UNC5C: variants seen among roughly 807,000 people sequenced by gnomAD.
The protein encoded by UNC5C is unc-5 netrin receptor C, also known as netrin receptor UNC5C.
In UNC5C, 47 loss-of-function variants were observed where a neutral mutation model predicts 99.8. That is an observed-to-expected ratio of 0.47 (90% CI 0.37 to 0.60). UNC5C has a LOEUF of 0.60. Ranked by LOEUF, UNC5C falls within the 20% of genes least tolerant of loss-of-function variation. The pLI is 0.00. For missense variants in UNC5C, 1,062 were observed against 1,165.9 expected, an observed-to-expected ratio of 0.91 and a Z score of 1.30; for synonymous variants, 487 against 452.2, an observed-to-expected ratio of 1.08 and a Z score of -0.98.
intron 7 of UNC5C, among the ~76,000 whole-genome samples, chr4:95,237,321 C>G (rs1361341367): frequency 6.6e-6 from 1 of 152,120 alleles, no homozygotes; most frequent in Admixed American, 6.6e-5. Context: ...AAACTCTTGA[C>G]TTATATTGTC....
In UNC5C at chr4:95,253,566, A is replaced by G. The variant is rs1739834270; in HGVS notation, c.595-2899T>C. The stretch of plus-strand genomic sequence containing the variant: ...GTGGGGGACACTGCTCTCCTCCCTT[A>G]ACTCCCACTTGAATCACAGAAACTC... On this transcript the variant is annotated intron_variant, in intron 4 of 15. Transcript: ENST00000453304. Among the ~76,000 whole-genome samples, 5 of 152,086 alleles carry G rather than the reference A, an allele frequency of 3.3e-5. No individual in the cohort carries two copies. The South Asian group carries it at 1.0e-3, about 32-fold the overall frequency.
chr4:95,180,775 C>T (rs546192546), intron 14 of UNC5C, among the ~76,000 whole-genome samples: 4 of 152,324 alleles, frequency 2.6e-5, no homozygotes, highest in South Asian at 2.1e-4. Context: ...CAAGCCAGCT[C>T]ATTCCTGGGA....
chr4:95,219,126 C>T lies in UNC5C; in HGVS notation c.1488G>A (p.Glu496=), dbSNP rs777046627. 9 of 1,614,116 alleles carry T rather than the reference C, an allele frequency of 5.6e-6. No individual in the cohort carries two copies. In the East Asian group the frequency reaches 1.6e-4, roughly 28 times the overall value. ...TCTGAGGGGACAGCTTGGACGTAAACTCAGAGAGGTCATCTTGGGGGGTGA... is the reference window on the plus strand; with the variant it reads ...TCTGAGGGGACAGCTTGGACGTAAATTCAGAGAGGTCATCTTGGGGGGTGA... ...GAVTPQDDLS[E]FTSKLSPQMT... is the part of the protein sequence containing the mutation. The change falls in exon 9 of 16, where the codon GAG becomes GAA. Residue 496 remains glutamate, a synonymous_variant. Transcript: ENST00000453304.
chr4:95,269,274 T>G (rs1158125880), intron 4 of UNC5C, among the ~76,000 whole-genome samples: 1 of 152,104 alleles, frequency 6.6e-6, no homozygotes, highest in Non-Finnish European at 1.5e-5. Flanking sequence ...GAACCAGTAC[T>G]GCAGAGTGGT....
chr4:95,503,711 C>G (rs1471415968), intron 1 of UNC5C, among the ~76,000 whole-genome samples: 2 of 152,034 alleles, frequency 1.3e-5, no homozygotes, highest in Non-Finnish European at 2.9e-5. Flanking sequence ...TATTATATTT[C>G]TGTCCTTTTA....
intron 1 of UNC5C, among the ~76,000 whole-genome samples, chr4:95,441,889 T>C (rs2149463778): frequency 6.6e-6 from 1 of 152,264 alleles, no homozygotes; most frequent in African/African-American, 2.4e-5. Context: ...TAAGTTGCTC[T>C]CATGAAGCTA....
At chr4:95,201,420 C>T (rs1188418771) in intron 12 of UNC5C, among the ~76,000 whole-genome samples, 12 of 152,102 alleles carry the variant, frequency 7.9e-5, no homozygotes, top group Non-Finnish European at 1.5e-4. Context: ...CTCACCTTTT[C>T]ACTGAAGTCA....
intron 1 of UNC5C, among the ~76,000 whole-genome samples, chr4:95,393,863 T>TTTTAA (rs767724274): frequency 2.7e-4 from 39 of 146,334 alleles, no homozygotes; most frequent in African/African-American, 7.7e-4. Context: ...TTTTTTTTTT[T>TTTTAA]AAAAAAAAAC....
At chr4:95,210,336 G>T (rs865981217) in intron 10 of UNC5C, among the ~76,000 whole-genome samples, 1 of 152,170 alleles carries the variant, frequency 6.6e-6, no homozygotes, top group Non-Finnish European at 1.5e-5. Context: ...TCTCTTATAG[G>T]CTTTCAAGAT....
chr4:95,412,291 C>T (rs979678560), intron 1 of UNC5C, among the ~76,000 whole-genome samples: 3 of 152,120 alleles, frequency 2.0e-5, no homozygotes, highest in African/African-American at 7.2e-5. Context: ...CACAAAATTC[C>T]AATCTCATAT....
intron 1 of UNC5C, among the ~76,000 whole-genome samples, chr4:95,387,828 T>A (rs887748733): frequency 6.6e-6 from 1 of 152,224 alleles, no homozygotes; most frequent in Non-Finnish European, 1.5e-5. Flanking sequence ...TATTTTAAGC[T>A]GTTCAGTGGA....
At chr4:95,326,315 A>G (rs749262012) in intron 2 of UNC5C, among the ~76,000 whole-genome samples, 6 of 152,272 alleles carry the variant, frequency 3.9e-5, no homozygotes, top group East Asian at 3.9e-4. Context: ...TTTCAACATA[A>G]CCATGGTTTT....
At chr4:95,280,102 C>G (rs115977131) in intron 3 of UNC5C, among the ~76,000 whole-genome samples, 1,922 of 152,206 alleles carry the variant, frequency 0.013, 40 homozygotes, top group African/African-American at 0.044. Context: ...GACCACGGAC[C>G]AGTACCAGTT....
intron 2 of UNC5C, among the ~76,000 whole-genome samples, chr4:95,303,450 C>T (rs1013292918): frequency 9.2e-5 from 14 of 151,992 alleles, no homozygotes; most frequent in East Asian, 1.9e-4. Flanking sequence ...CCAAGGCAGG[C>T]GGATCACTTG....
At chr4:95,524,539 A>C (rs890913345) in intron 1 of UNC5C, among the ~76,000 whole-genome samples, 1 of 152,164 alleles carries the variant, frequency 6.6e-6, no homozygotes, top group African/African-American at 2.4e-5. Context: ...TTTTCTTGGA[A>C]AACTGGAAGC....
chr4:95,372,914 A>G (rs541345340), intron 1 of UNC5C, among the ~76,000 whole-genome samples: 1 of 152,154 alleles, frequency 6.6e-6, no homozygotes, highest in Non-Finnish European at 1.5e-5. Context: ...CCTGATCAGG[A>G]AGAATCCTCA....
chr4:95,372,684 A>T (rs1303009506), intron 1 of UNC5C, among the ~76,000 whole-genome samples: 1 of 152,158 alleles, frequency 6.6e-6, no homozygotes, highest in Non-Finnish European at 1.5e-5. Flanking sequence ...ATTAGATCTA[A>T]GGCATATTAC....
intron 1 of UNC5C, among the ~76,000 whole-genome samples, chr4:95,545,096 G>C (rs753279290): frequency 1.3e-4 from 20 of 152,246 alleles, no homozygotes; most frequent in South Asian, 4.1e-4. Context: ...CATGTCCTTA[G>C]GGGGGGTTGC....
chr4:95,335,241 T>C (rs1402564841), intron 2 of UNC5C, among the ~76,000 whole-genome samples, 169 bp downstream of exon 2: 1 of 152,002 alleles, frequency 6.6e-6, no homozygotes, highest in African/African-American at 2.4e-5. Flanking sequence ...CATTTTACTT[T>C]TCAACACATG....
Sources: allele counts gnomAD v4.1 joint callset (sites outside exome capture counted in the v4.1 genomes callset), GRCh38; gene constraint gnomAD v4.1.1; transcripts MANE v1.5; gene names NCBI Gene and HGNC (gene_info 2026-07-23, HGNC 2026-07-21).